The following HPSE2 variants were observed in gnomAD, a reference collection of about 807,000 sequenced individuals.
HPSE2 encodes the protein inactive heparanase-2.
HPSE2 carries 38 observed loss-of-function variants against 60.5 expected under a neutral mutation model. That is an observed-to-expected ratio of 0.63 (90% CI 0.48 to 0.82). The LOEUF (loss-of-function observed/expected upper bound fraction) is 0.82. Among genes scored for constraint, HPSE2 ranks in the 40% least tolerant of loss-of-function variants. The pLI is 0.00. For missense variants in HPSE2, 713 were observed against 740.4 expected (o/e 0.96, Z 0.43); for synonymous variants, 295 against 293.2 (o/e 1.01, Z -0.06).
chr10:99,070,886 A>G (rs1842766809), intron 3 of HPSE2, among the ~76,000 whole-genome samples: 1 of 152,050 alleles, frequency 6.6e-6, no homozygotes, highest in Non-Finnish European at 1.5e-5. Flanking sequence ...TGTTTACTAC[A>G]TATTCTTTGT....
chr10:99,222,734 T>C (rs938617401), intron 2 of HPSE2, among the ~76,000 whole-genome samples: 8 of 152,328 alleles, frequency 5.3e-5, no homozygotes, highest in Middle Eastern at 6.8e-3. Context: ...CTTTCCTACA[T>C]TGGATCAGTT....
At chr10:98,901,695 A>G (rs1332166256) in intron 3 of HPSE2, among the ~76,000 whole-genome samples, 1 of 152,206 alleles carries the variant, frequency 6.6e-6, no homozygotes, top group Non-Finnish European at 1.5e-5. Context: ...AGTATAACAG[A>G]GAGAGTTTAT....
At chr10:98,580,538 A>G (rs1000894906) in intron 9 of HPSE2, among the ~76,000 whole-genome samples, 2 of 151,398 alleles carry the variant, frequency 1.3e-5, no homozygotes, top group African/African-American at 4.9e-5. Context: ...TATATTTTTA[A>G]TTTCCAAGAG....
intron 2 of HPSE2, among the ~76,000 whole-genome samples, chr10:99,177,608 C>A (rs1374565679): frequency 6.6e-6 from 1 of 151,942 alleles, no homozygotes; most frequent in Non-Finnish European, 1.5e-5. Context: ...ACAGGAGCAC[C>A]CAGATTCATA....
At chr10:99,150,356 T>G (rs1047247768) in intron 2 of HPSE2, among the ~76,000 whole-genome samples, 2 of 152,102 alleles carry the variant, frequency 1.3e-5, no homozygotes, top group African/African-American at 4.8e-5. Context: ...GACAGTGTCT[T>G]ACTCTGTCAC....
At chr10:99,127,693 A>G (rs1488617715) in intron 3 of HPSE2, among the ~76,000 whole-genome samples, 1 of 152,216 alleles carries the variant, frequency 6.6e-6, no homozygotes, top group Non-Finnish European at 1.5e-5. Flanking sequence ...GCACATAGTC[A>G]TCAAGTTATC....
chr10:98,914,616 G>C (rs890637209), intron 3 of HPSE2, among the ~76,000 whole-genome samples: 1 of 146,496 alleles, frequency 6.8e-6, no homozygotes, highest in Non-Finnish European at 1.5e-5. Flanking sequence ...GATCTAGTAT[G>C]TTCTTACATA....
At chr10:98,510,919 A>G (rs572136565) in intron 9 of HPSE2, among the ~76,000 whole-genome samples, 34 of 152,362 alleles carry the variant, frequency 2.2e-4, no homozygotes, top group Admixed American at 7.2e-4. Flanking sequence ...TATTTTTTAT[A>G]GCTGGAGGAA....
At chr10:99,218,152 G>A (rs1050609769) in intron 2 of HPSE2, among the ~76,000 whole-genome samples, 1 of 151,812 alleles carries the variant, frequency 6.6e-6, no homozygotes, top group Non-Finnish European at 1.5e-5. Flanking sequence ...GGCTCAGATT[G>A]TACTAGTCTG....
chr10:99,153,411 G>A (rs181556005), intron 2 of HPSE2, among the ~76,000 whole-genome samples: 20 of 152,044 alleles, frequency 1.3e-4, no homozygotes, highest in African/African-American at 3.6e-4. Context: ...ATCTGAGAAC[G>A]GGCAGACTGC....
At chr10:98,471,790 T>C (rs1389573810) in intron 11 of HPSE2, among the ~76,000 whole-genome samples, 1 of 152,192 alleles carries the variant, frequency 6.6e-6, no homozygotes, top group African/African-American at 2.4e-5. Flanking sequence ...TCTGTGTTTC[T>C]TGAACACTGA....
intron 3 of HPSE2, among the ~76,000 whole-genome samples, chr10:98,911,791 G>A (rs534612689): frequency 8.5e-5 from 13 of 152,076 alleles, no homozygotes; most frequent in Admixed American, 7.2e-4. Context: ...ATGAGATAAC[G>A]GTGGGGATGG....
At chr10:98,832,368 T>C (rs2134658356) in intron 3 of HPSE2, among the ~76,000 whole-genome samples, 1 of 152,302 alleles carries the variant, frequency 6.6e-6, no homozygotes, top group Middle Eastern at 3.4e-3. Context: ...TTCAATCTCT[T>C]GTCATTAAAA....
intron 3 of HPSE2, among the ~76,000 whole-genome samples, chr10:99,122,337 T>C (rs1329578417): frequency 6.6e-6 from 1 of 152,014 alleles, no homozygotes; most frequent in African/African-American, 2.4e-5. Context: ...TTCAATCTTC[T>C]TTTGGGGATT....
intron 2 of HPSE2, among the ~76,000 whole-genome samples, chr10:99,219,031 G>A (rs1475794556): frequency 6.6e-6 from 1 of 152,150 alleles, no homozygotes; most frequent in African/African-American, 2.4e-5. Flanking sequence ...AAGTGTGCAT[G>A]GCTTAGTGAC....
chr10:98,743,339 C>T (rs1363055474), intron 4 of HPSE2, among the ~76,000 whole-genome samples: 4 of 152,218 alleles, frequency 2.6e-5, no homozygotes, highest in East Asian at 1.9e-4. Context: ...AAACTAGCCT[C>T]GGTTAAATTG....
chr10:98,479,692 G>C (rs769042017), intron 11 of HPSE2, among the ~76,000 whole-genome samples: 1 of 152,182 alleles, frequency 6.6e-6, no homozygotes, highest in African/African-American at 2.4e-5. Context: ...AGAATGAAGG[G>C]CCCAACATTT....
At chr10:98,598,348 T>C (rs1273008253) in intron 9 of HPSE2, among the ~76,000 whole-genome samples, 1 of 151,524 alleles carries the variant, frequency 6.6e-6, no homozygotes, top group Non-Finnish European at 1.5e-5. Context: ...CTGGTGTAAG[T>C]CCTCAGGGCT....
chr10:99,222,134 G>T (rs1849333302), intron 2 of HPSE2, among the ~76,000 whole-genome samples: 1 of 151,974 alleles, frequency 6.6e-6, no homozygotes. Flanking sequence ...CTTTCCTCTA[G>T]GGGAAAGGCC....
Sources: gnomAD v4.1 joint callset for allele counts (sites outside exome capture counted in the v4.1 genomes callset) on GRCh38, gnomAD v4.1.1 for gene constraint, MANE v1.5 for transcripts, NCBI Gene and HGNC (gene_info 2026-07-23, HGNC 2026-07-21) for gene names.